LRRTM4: variants seen among roughly 807,000 people sequenced by gnomAD.
LRRTM4 encodes the protein leucine rich repeat transmembrane neuronal 4.
A neutral mutation model predicts 47.6 loss-of-function variants in LRRTM4; 25 were observed. The ratio of observed to expected loss-of-function variants is 0.53; its 90% CI spans 0.38 to 0.73. The LOEUF (loss-of-function observed/expected upper bound fraction) is 0.73. Ranked by LOEUF, LRRTM4 falls within the 30% of genes least tolerant of loss-of-function variation. LRRTM4 has a pLI of 0.00. For synonymous variants in LRRTM4, 311 were observed against 269.5 expected (o/e 1.15, Z -1.51); for missense variants, 638 against 713.4 (o/e 0.89, Z 1.20).
At chr2:77,140,327 T>C (rs1672085157) in intron 3 of LRRTM4, among the ~76,000 whole-genome samples, 1 of 152,166 alleles carries the variant, frequency 6.6e-6, no homozygotes. Flanking sequence ...ACCACACATC[T>C]ACAACCATCT....
At chr2:77,432,321 C>T (rs1489732947) in intron 3 of LRRTM4, among the ~76,000 whole-genome samples, 3 of 152,188 alleles carry the variant, frequency 2.0e-5, no homozygotes, top group Non-Finnish European at 2.9e-5. Context: ...CAGGATCCCT[C>T]ACCTCTTGAC....
chr2:77,352,954 T>G (rs895355660), intron 3 of LRRTM4, among the ~76,000 whole-genome samples: 4 of 152,276 alleles, frequency 2.6e-5, no homozygotes, highest in African/African-American at 9.6e-5. Context: ...TTTTAAAGAT[T>G]AAAATTTATG....
chr2:77,142,916 G>A (rs957739346), intron 3 of LRRTM4, among the ~76,000 whole-genome samples: 1 of 152,154 alleles, frequency 6.6e-6, no homozygotes, highest in Non-Finnish European at 1.5e-5. Flanking sequence ...TTGTGACAAA[G>A]CCATGTATGA....
At chr2:77,137,141 C>A (rs1031950546) in intron 3 of LRRTM4, among the ~76,000 whole-genome samples, 2 of 151,736 alleles carry the variant, frequency 1.3e-5, no homozygotes, top group Non-Finnish European at 2.9e-5. Context: ...CAAAGATACT[C>A]CTCAAGAAGA....
chr2:77,299,271 ACACACAC>A (rs1677059680), intron 3 of LRRTM4, among the ~76,000 whole-genome samples: 1 of 81,896 alleles, frequency 1.2e-5, no homozygotes, highest in Non-Finnish European at 3.2e-5. Context: ...ACACACACAC[ACACACAC>A]ACACACACAC....
chr2:77,107,370 G>A (rs575660676), intron 3 of LRRTM4, among the ~76,000 whole-genome samples: 7 of 152,302 alleles, frequency 4.6e-5, no homozygotes, highest in Middle Eastern at 3.4e-3. Context: ...GAGAACGTCA[G>A]AGAATCTTTT....
At chr2:76,981,947 G>T (rs1264689882) in intron 3 of LRRTM4, among the ~76,000 whole-genome samples, 2 of 151,942 alleles carry the variant, frequency 1.3e-5, no homozygotes, top group Admixed American at 6.6e-5. Flanking sequence ...GATCAATTTG[G>T]GTCACTGAAA....
chr2:76,945,739 T>A, intron 3 of LRRTM4, among the ~76,000 whole-genome samples: 1 of 142,618 alleles, frequency 7.0e-6, no homozygotes, highest in Non-Finnish European at 1.5e-5. Flanking sequence ...AGCATTCAGA[T>A]TTTGAGTGTG....
chr2:76,972,553 G>A (rs1367746800), intron 3 of LRRTM4, among the ~76,000 whole-genome samples: 2 of 151,532 alleles, frequency 1.3e-5, no homozygotes, highest in African/African-American at 4.8e-5. Context: ...GAGTAGCTGG[G>A]ACTACAGTTG....
chr2:77,278,619 A>T (rs1393403298), intron 3 of LRRTM4, among the ~76,000 whole-genome samples: 1 of 151,964 alleles, frequency 6.6e-6, no homozygotes, highest in Non-Finnish European at 1.5e-5. Flanking sequence ...TAAAAATGTG[A>T]CTTTCAAGGC....
At chr2:76,958,535 A>T (rs1303859365) in intron 3 of LRRTM4, among the ~76,000 whole-genome samples, 1 of 151,770 alleles carries the variant, frequency 6.6e-6, no homozygotes, top group East Asian at 2.0e-4. Flanking sequence ...TTTAAAAAGT[A>T]AACAGCATCC....
chr2:77,520,379 T>C (rs1241897915), intron 2 of LRRTM4, among the ~76,000 whole-genome samples: 1 of 152,068 alleles, frequency 6.6e-6, no homozygotes, highest in Non-Finnish European at 1.5e-5. Flanking sequence ...CCTGAAATTG[T>C]GTACTTATTG....
chr2:76,838,282 C>T lies in LRRTM4; in HGVS notation c.1552-89366G>A, dbSNP rs570688436. On this transcript the variant is annotated intron_variant, in intron 3 of 3. Coordinates refer to ENST00000409884, the MANE Select transcript of LRRTM4 (RefSeq NM_001134745.3). ...ATTTTGGTTGACTTATACTGAAGCA[C>T]ATTTTCAACTACTTTACTCTGTGAA... 3.3e-5 allele frequency among the ~76,000 whole-genome samples: 5 copies of T among 152,064 alleles called. No individual in the cohort carries two copies. In the East Asian group the frequency reaches 7.7e-4, roughly 24 times the overall value.
rs183965803 is a variant in LRRTM4, at chr2:77,246,358, C to T, written c.1551+271960G>A. ...GAAGGCATGGGTCCAATTCTGGTGA[C>T]ATTTCGCCAATATATACACACTACA... On this transcript the variant is annotated intron_variant, in intron 3 of 3. Transcript: ENST00000409884. 2.1e-3 allele frequency among the ~76,000 whole-genome samples: 327 copies of T among 152,250 alleles called. 1 individual carries two copies. The highest frequency in any genetic ancestry group is 3.3e-3 in the Non-Finnish European group (222 of 68,016).
At chr2:77,493,157 T>C (rs1336989392) in intron 3 of LRRTM4, among the ~76,000 whole-genome samples, 1 of 152,080 alleles carries the variant, frequency 6.6e-6, no homozygotes, top group Non-Finnish European at 1.5e-5. Context: ...CACTGTACTC[T>C]GAAATAAAGT....
intron 3 of LRRTM4, among the ~76,000 whole-genome samples, chr2:76,942,352 A>G (rs761579288): frequency 1.3e-5 from 2 of 151,976 alleles, no homozygotes; most frequent in Non-Finnish European, 2.9e-5. Flanking sequence ...GTTGCAATTG[A>G]TTTTGGTTAA....
At chr2:76,873,083 TAAC>T (rs757651115) in intron 3 of LRRTM4, among the ~76,000 whole-genome samples, 12 of 152,282 alleles carry the variant, frequency 7.9e-5, no homozygotes, top group African/African-American at 2.2e-4. Context: ...CATTTCTTTA[TAAC>T]AACACAACTG....
At chr2:76,835,990 G>T (rs991923239) in intron 3 of LRRTM4, among the ~76,000 whole-genome samples, 6 of 152,018 alleles carry the variant, frequency 3.9e-5, no homozygotes, top group African/African-American at 1.4e-4. Flanking sequence ...AATCCCAGGG[G>T]ATATTTCTTT....
chr2:77,082,950 T>C (rs1326273418), intron 3 of LRRTM4, among the ~76,000 whole-genome samples: 2 of 152,146 alleles, frequency 1.3e-5, no homozygotes, highest in Non-Finnish European at 2.9e-5. Flanking sequence ...TTTCATGCCC[T>C]TAGATATCTC....
Sources: allele counts gnomAD v4.1 joint callset (sites outside exome capture counted in the v4.1 genomes callset), GRCh38; gene constraint gnomAD v4.1.1; transcripts MANE v1.5; gene names NCBI Gene and HGNC (gene_info 2026-07-23, HGNC 2026-07-21).